The following FBXO16 variants were observed in gnomAD, a reference collection of about 807,000 sequenced individuals.
FBXO16 encodes F-box protein 16.
A neutral mutation model predicts 41.0 loss-of-function variants in FBXO16; 31 were observed. That is an observed-to-expected ratio of 0.76 (90% confidence interval 0.57 to 1.02). FBXO16 has a LOEUF of 1.02. FBXO16 is among the 50% of genes least tolerant of loss of function. The probability of loss-of-function intolerance (pLI) is 0.00; values close to 1 mark genes in which losing one functional copy is unlikely to be tolerated. For synonymous variants in FBXO16, 133 were observed against 117.8 expected (o/e 1.13, Z -0.84); for missense variants, 361 against 346.2 (o/e 1.04, Z -0.34).
chr8:28,465,425 C>A (rs1056824116), intron 3 of FBXO16: 1 of 449,822 alleles, frequency 2.2e-6, no homozygotes, highest in African/African-American at 2.0e-5. Context: ...GAATTTGAAA[C>A]CAGCCCGAGC....
Position 28,485,445 on chromosome 8 carries a change from T to G in FBXO16, c.-16-1983A>C, listed in dbSNP as rs868044416. On this transcript the variant is annotated intron_variant, in intron 1 of 8. Coordinates refer to ENST00000380254, the MANE Select transcript of FBXO16 (RefSeq NM_172366.4). The stretch of plus-strand genomic sequence containing the variant: ...ACCTCAGCCTCCCAAAGTGCTGGGA[T>G]TACAGGCACAAGCCACTGTGCCCGA... Among the ~76,000 whole-genome samples the G allele has an allele frequency of 7.2e-5, 11 of 152,360 alleles. No homozygotes were observed. In the South Asian group the frequency reaches 1.7e-3, roughly 23 times the overall value.
intron 7 of FBXO16, among the ~76,000 whole-genome samples, chr8:28,434,334 A>C (rs905342275): frequency 3.9e-5 from 6 of 152,188 alleles, no homozygotes; most frequent in Admixed American, 6.5e-5. Context: ...GATGCAAACA[A>C]CACCATTGGA....
intron 1 of FBXO16, among the ~76,000 whole-genome samples, chr8:28,486,310 C>T (rs370322410): frequency 1.1e-4 from 17 of 150,850 alleles, no homozygotes; most frequent in African/African-American, 2.7e-4. Context: ...CTGCAACCTC[C>T]GCCTCCTGGG....
intron 7 of FBXO16, among the ~76,000 whole-genome samples, chr8:28,439,894 C>G (rs147559939): frequency 1.3e-5 from 2 of 152,048 alleles, no homozygotes; most frequent in East Asian, 3.9e-4. Flanking sequence ...GTTCATTATA[C>G]TTCCTAAAGT....
intron 7 of FBXO16, among the ~76,000 whole-genome samples, chr8:28,442,966 T>A (rs1438551380): frequency 6.6e-6 from 1 of 152,048 alleles, no homozygotes. Flanking sequence ...GGGAGGCTGG[T>A]GTCAGTGATC....
Position 28,480,756 on chromosome 8 carries a change from T to C in FBXO16, c.99+2592A>G, listed in dbSNP as rs183794583. ...CTGACCTCAGGTGATCCACTCGCCT[T>C]GGCCTCCCAAAGTGCTGGGATTACA... On this transcript the variant is annotated intron_variant, in intron 2 of 8. Transcript: ENST00000380254. 6.6e-4 allele frequency among the ~76,000 whole-genome samples: 100 copies of C among 152,126 alleles called. 1 individual carries two copies. In the East Asian group the frequency reaches 0.018, roughly 27 times the overall value.
At chr8:28,466,132 G>A (rs976025469) in intron 3 of FBXO16, among the ~76,000 whole-genome samples, 2 of 152,168 alleles carry the variant, frequency 1.3e-5, no homozygotes, top group South Asian at 2.1e-4. Context: ...CCAGCTATTC[G>A]GGAGTGTGAG....
chr8:28,444,794 T>G (rs1255279519), intron 7 of FBXO16, among the ~76,000 whole-genome samples: 3 of 132,472 alleles, frequency 2.3e-5, no homozygotes, highest in Non-Finnish European at 4.8e-5. Context: ...TTTTTTTTTT[T>G]TTTTTTTTTT....
intron 6 of FBXO16, chr8:28,449,232 AGGACAGAGG>A (rs1009966605): frequency 6.6e-6 from 1 of 152,168 alleles, no homozygotes; most frequent in African/African-American, 2.4e-5. Flanking sequence ...AGGAAAAAAA[AGGACAGAGG>A]GGAAATCTAT....
At chr8:28,472,385 G>A (rs146084033) in intron 3 of FBXO16, among the ~76,000 whole-genome samples, 1 of 152,280 alleles carries the variant, frequency 6.6e-6, no homozygotes, top group African/African-American at 2.4e-5. Context: ...ACAGTTGTGA[G>A]CCATTGCACC....
chr8:28,472,927 G>T (rs1234725145), intron 3 of FBXO16, among the ~76,000 whole-genome samples: 2 of 152,108 alleles, frequency 1.3e-5, no homozygotes, highest in Non-Finnish European at 2.9e-5. Context: ...AGTAGCTGTT[G>T]ATTCCAAGGT....
rs1014406220 is a variant in FBXO16, at chr8:28,477,772, T to C, written c.100-3965A>G. On this transcript the variant is annotated intron_variant, in intron 2 of 8. Coordinates refer to ENST00000380254, the MANE Select transcript of FBXO16 (RefSeq NM_172366.4). ...AGCTGGGCATGGTGGTTGACACCTGTAATCCCAGAGCTTTGGGAGGCTGAG... is the reference window on the plus strand; with the variant it reads ...AGCTGGGCATGGTGGTTGACACCTGCAATCCCAGAGCTTTGGGAGGCTGAG... 1.1e-4 allele frequency among the ~76,000 whole-genome samples: 17 copies of C among 152,134 alleles called. 1 individual carries two copies. Among genetic ancestry groups the C allele is most frequent in the Admixed American group, 2.0e-4 (3 of 15,276 alleles).
rs747877506 is a variant in FBXO16, at chr8:28,443,678, G to A, written c.843+3493C>T. On this transcript the variant is annotated intron_variant, in intron 7 of 8. Transcript: ENST00000380254. ...AACCTACTGGGCTTCACTCCCAGAC[G>A]GTTAAGGCATTCTAAGTCACAGGAT... is the stretch of plus-strand genomic sequence containing the variant. 3.9e-5 allele frequency among the ~76,000 whole-genome samples: 6 copies of A among 152,216 alleles called. No individual in the cohort carries two copies. The South Asian group carries it at 1.0e-3, about 26-fold the overall frequency.
At chr8:28,456,347 G>T (rs149945214) in intron 5 of FBXO16, among the ~76,000 whole-genome samples, 90 of 152,146 alleles carry the variant, frequency 5.9e-4, no homozygotes, top group African/African-American at 2.1e-3. Flanking sequence ...CCTTATAAAC[G>T]ATACAAAAAT....
At chr8:28,484,313 A>T (rs566127065) in intron 1 of FBXO16, among the ~76,000 whole-genome samples, 9 of 152,316 alleles carry the variant, frequency 5.9e-5, no homozygotes, top group African/African-American at 2.2e-4. Context: ...CGTATTGAAG[A>T]GGTAGCATGG....
intron 2 of FBXO16, among the ~76,000 whole-genome samples, chr8:28,477,876 GTGGTGT>G (rs1244612634): frequency 5.9e-5 from 9 of 152,156 alleles, no homozygotes; most frequent in African/African-American, 2.2e-4. Context: ...GCCGGGCATG[GTGGTGT>G]GAGCCTGGTG....
chr8:28,474,352 A>AAAG (rs1563368937), intron 2 of FBXO16, among the ~76,000 whole-genome samples: 10 of 127,912 alleles, frequency 7.8e-5, no homozygotes, highest in South Asian at 2.4e-4. Flanking sequence ...AAAAAAAAAA[A>AAAG]AGAGAGAGAA....
intron 7 of FBXO16, among the ~76,000 whole-genome samples, chr8:28,440,482 G>A (rs1276579748): frequency 1.3e-5 from 2 of 152,076 alleles, no homozygotes; most frequent in African/African-American, 4.8e-5. Flanking sequence ...ACTAGAACTG[G>A]GGTTTCCTGA....
intron 3 of FBXO16, among the ~76,000 whole-genome samples, chr8:28,466,257 A>G (rs1185342421): frequency 3.3e-5 from 5 of 152,144 alleles, no homozygotes; most frequent in Non-Finnish European, 7.3e-5. Context: ...AAAACAAAAA[A>G]ACAGTAGAAT....
Sources: allele counts gnomAD v4.1 joint callset (sites outside exome capture counted in the v4.1 genomes callset), GRCh38; gene constraint gnomAD v4.1.1; transcripts MANE v1.5; gene names NCBI Gene and HGNC (gene_info 2026-07-23, HGNC 2026-07-21).